The following MIPOL1 variants were observed in gnomAD, a reference collection of about 807,000 sequenced individuals.
MIPOL1 encodes mirror-image polydactyly 1.
In MIPOL1, 57 loss-of-function variants were observed where a neutral mutation model predicts 60.9. The observed-to-expected ratio is 0.94, with a 90% CI of 0.76 to 1.17. The LOEUF is 1.17. Ranked by LOEUF, MIPOL1 falls within the 50% of genes most tolerant of loss-of-function variation. The pLI is 0.00. For synonymous variants in MIPOL1, 179 were observed against 168.8 expected (o/e 1.06, Z -0.47); for missense variants, 551 against 511.6 (o/e 1.08, Z -0.74).
chr14:37,481,611 A>ACACACACC (rs1216175293), intron 11 of MIPOL1, among the ~76,000 whole-genome samples: 27 of 142,502 alleles, frequency 1.9e-4, no homozygotes, highest in East Asian at 1.0e-3. Flanking sequence ...ACACACACAC[A>ACACACACC]CCGAAACCAC....
chr14:37,342,433 T>C (rs1379529553), intron 9 of MIPOL1, among the ~76,000 whole-genome samples: 2 of 151,634 alleles, frequency 1.3e-5, no homozygotes, highest in Admixed American at 1.3e-4. Context: ...AATCTCGCTC[T>C]GTCACCCGGG....
At chr14:37,435,111 C>T (rs2094143335) in intron 11 of MIPOL1, among the ~76,000 whole-genome samples, 1 of 152,098 alleles carries the variant, frequency 6.6e-6, no homozygotes, top group Non-Finnish European at 1.5e-5. Flanking sequence ...TTTATGACCC[C>T]AGATGTATGT....
intron 12 of MIPOL1, among the ~76,000 whole-genome samples, chr14:37,539,894 G>A (rs1410068894): frequency 6.6e-6 from 1 of 152,098 alleles, no homozygotes; most frequent in Non-Finnish European, 1.5e-5. Context: ...ATGTCTCATC[G>A]GAGGGACCAG....
At chr14:37,423,119 C>T (rs547762983) in intron 11 of MIPOL1, among the ~76,000 whole-genome samples, 170 bp downstream of exon 11, 7 of 151,792 alleles carry the variant, frequency 4.6e-5, no homozygotes, top group South Asian at 4.1e-4. Flanking sequence ...ATTATTCTAC[C>T]TCTTCTCTTT....
At chr14:37,420,808 T>C (rs1363909087) in intron 10 of MIPOL1, among the ~76,000 whole-genome samples, 1 of 152,120 alleles carries the variant, frequency 6.6e-6, no homozygotes, top group East Asian at 1.9e-4. Context: ...CTGGATCTTA[T>C]ACCCGAGGTG....
intron 1 of MIPOL1, among the ~76,000 whole-genome samples, chr14:37,234,446 A>G (rs1231387829): frequency 6.9e-6 from 1 of 145,210 alleles, no homozygotes; most frequent in African/African-American, 2.5e-5. Context: ...CCACCTTGGC[A>G]TCTCAACGTG....
chr14:37,330,039 A>T (rs1253437737), intron 9 of MIPOL1, among the ~76,000 whole-genome samples: 2 of 151,988 alleles, frequency 1.3e-5, no homozygotes, highest in African/African-American at 4.8e-5. Context: ...AGTAGTCATC[A>T]TCTTAGAAAT....
chr14:37,467,639 A>G (rs1480365931), intron 11 of MIPOL1, among the ~76,000 whole-genome samples: 2 of 152,226 alleles, frequency 1.3e-5, no homozygotes, highest in Non-Finnish European at 2.9e-5. Flanking sequence ...ATGGAAGGCC[A>G]TCAAGACTTA....
At chr14:37,356,278 C>T (rs1368630203) in intron 9 of MIPOL1, among the ~76,000 whole-genome samples, 1 of 151,714 alleles carries the variant, frequency 6.6e-6, no homozygotes. Flanking sequence ...AGATCTCCAG[C>T]TGCGTGCTGG....
chr14:37,273,213 T>C (rs1297063555), intron 6 of MIPOL1, among the ~76,000 whole-genome samples: 1 of 150,972 alleles, frequency 6.6e-6, no homozygotes, highest in East Asian at 1.9e-4. Context: ...TTTATAAAAA[T>C]AAAAATATAC....
chr14:37,221,576 T>C (rs929435249), intron 1 of MIPOL1, among the ~76,000 whole-genome samples: 2 of 152,078 alleles, frequency 1.3e-5, no homozygotes, highest in Admixed American at 6.5e-5. Flanking sequence ...ACAGTTATGG[T>C]AGAAGGTGAA....
intron 3 of MIPOL1, among the ~76,000 whole-genome samples, 165 bp downstream of exon 3, chr14:37,248,072 C>G (rs1230379175): frequency 6.7e-6 from 1 of 150,056 alleles, no homozygotes; most frequent in Non-Finnish European, 1.5e-5. Flanking sequence ...GAAAGAGATA[C>G]AAAGAAAGAC....
intron 9 of MIPOL1, among the ~76,000 whole-genome samples, chr14:37,317,220 A>C (rs969905346): frequency 4.6e-5 from 7 of 152,158 alleles, no homozygotes; most frequent in African/African-American, 1.4e-4. Context: ...ATGTTAGATT[A>C]ATTTAGATTT....
chr14:37,255,231 GTGGCCTCCGTAGTATGATTAATA>G (rs1974739242), intron 3 of MIPOL1, among the ~76,000 whole-genome samples: 1 of 151,588 alleles, frequency 6.6e-6, no homozygotes, highest in Non-Finnish European at 1.5e-5. Context: ...AGATGACTGT[GTGGCCTCCGTAGTATGATTAATA>G]TAAAGGTCTG....
chr14:37,367,000 A>G (rs1389039187), intron 9 of MIPOL1, among the ~76,000 whole-genome samples: 1 of 151,990 alleles, frequency 6.6e-6, no homozygotes, highest in Non-Finnish European at 1.5e-5. Context: ...TTTTAGTGAC[A>G]AATTTAACAA....
intron 6 of MIPOL1, among the ~76,000 whole-genome samples, chr14:37,272,451 G>T (rs981000567): frequency 6.6e-6 from 1 of 151,504 alleles, no homozygotes; most frequent in African/African-American, 2.4e-5. Context: ...AAAAAATTTG[G>T]TAACTGACCC....
At chr14:37,226,130 G>A (rs1257480722) in intron 1 of MIPOL1, among the ~76,000 whole-genome samples, 3 of 152,174 alleles carry the variant, frequency 2.0e-5, no homozygotes, top group African/African-American at 7.2e-5. Flanking sequence ...TCTCTAGGAA[G>A]CTCAAAACTT....
intron 9 of MIPOL1, among the ~76,000 whole-genome samples, chr14:37,366,874 G>C (rs1352229725): frequency 6.6e-6 from 1 of 151,932 alleles, no homozygotes; most frequent in Non-Finnish European, 1.5e-5. Context: ...GCATCCTCTT[G>C]CTGAATTGAC....
chr14:37,220,304 C>CT (rs1277877772), intron 1 of MIPOL1, among the ~76,000 whole-genome samples: 1 of 151,856 alleles, frequency 6.6e-6, no homozygotes, highest in Non-Finnish European at 1.5e-5. Flanking sequence ...TACATATAAT[C>CT]TAAAAAAAAA....
Sources: allele counts gnomAD v4.1 joint callset (sites outside exome capture counted in the v4.1 genomes callset), GRCh38; gene constraint gnomAD v4.1.1; transcripts MANE v1.5; gene names NCBI Gene and HGNC (gene_info 2026-07-23, HGNC 2026-07-21).